WDPCP: variants seen among roughly 807,000 people sequenced by gnomAD.
The protein encoded by WDPCP is WD repeat-containing and planar cell polarity effector protein fritz homolog.
In WDPCP, 71 loss-of-function variants were observed where a neutral mutation model predicts 93.1. That is an observed-to-expected ratio of 0.76 (90% CI 0.63 to 0.93). The LOEUF is 0.93. Among genes scored for constraint, WDPCP ranks in the 40% least tolerant of loss-of-function variants. The probability of loss-of-function intolerance (pLI) is 0.00; values close to 1 mark genes in which losing one functional copy is unlikely to be tolerated. For synonymous variants in WDPCP, 315 were observed against 315.0 expected (o/e 1.00, Z 0.00); for missense variants, 844 against 887.4 (o/e 0.95, Z 0.62).
chr2:63,609,154 G>C (rs1709587932), intron 3 of WDPCP, among the ~76,000 whole-genome samples: 1 of 152,078 alleles, frequency 6.6e-6, no homozygotes, highest in Non-Finnish European at 1.5e-5. Context: ...ATCATTTGAG[G>C]TCAGGAGTTC....
rs563215063 is a variant in WDPCP, at chr2:63,222,772, TG to T, written c.1915+36534del. The stretch of plus-strand genomic sequence containing the variant: ...TAATTTATGTCTTTTAGTATAGAAT[TG>T]TTACATGAATCTATTTTTTTAACTT... On this transcript the variant is annotated intron_variant, in intron 14 of 17. Transcript: ENST00000272321. 1.8e-4 allele frequency among the ~76,000 whole-genome samples: 28 copies of T among 152,320 alleles called. No individual in the cohort carries two copies. The East Asian group carries it at 5.2e-3, about 28-fold the overall frequency.
intron 1 of WDPCP, among the ~76,000 whole-genome samples, chr2:63,552,801 T>C (rs910526185): frequency 6.6e-6 from 1 of 152,200 alleles, no homozygotes; most frequent in Admixed American, 6.5e-5. Flanking sequence ...TTGGAAGGAA[T>C]AGAACCTGTG....
chr2:63,588,958 TC>T (rs991510984), upstream of WDPCP: 42 of 1,598,606 alleles, frequency 2.6e-5, no homozygotes, highest in Admixed American at 6.0e-4. Flanking sequence ...CCGCTCGCCC[TC>T]TCCGAGTCAG....
intron 6 of WDPCP, among the ~76,000 whole-genome samples, chr2:63,465,917 A>C (rs1699320208): frequency 6.6e-6 from 1 of 152,222 alleles, no homozygotes; most frequent in Non-Finnish European, 1.5e-5. Context: ...TATCTTCGAC[A>C]GTAGTCTCTG....
At chr2:63,699,175 G>A (rs1669008758) in intron 2 of WDPCP, among the ~76,000 whole-genome samples, 1 of 152,158 alleles carries the variant, frequency 6.6e-6, no homozygotes, top group Non-Finnish European at 1.5e-5. Flanking sequence ...CTGGTTAGCA[G>A]CCACTGTCTT....
At chr2:63,685,693 C>T (rs1277178065) in intron 2 of WDPCP, among the ~76,000 whole-genome samples, 1 of 152,074 alleles carries the variant, frequency 6.6e-6, no homozygotes, top group Non-Finnish European at 1.5e-5. Context: ...AATATTGATG[C>T]AAAAATCCTC....
At chr2:63,779,394 A>C (rs1308114323) in intron 2 of WDPCP, among the ~76,000 whole-genome samples, 1 of 152,202 alleles carries the variant, frequency 6.6e-6, no homozygotes, top group Non-Finnish European at 1.5e-5. Context: ...TTGGAATCTC[A>C]CTTTCATTCC....
chr2:63,793,755 T>A (rs1670576166), intron 2 of WDPCP, among the ~76,000 whole-genome samples: 1 of 152,078 alleles, frequency 6.6e-6, no homozygotes, highest in Admixed American at 6.6e-5. Flanking sequence ...AAATGTTTAT[T>A]CTTTCCGGGA....
chr2:63,486,664 T>C, intron 3 of WDPCP, 78 bp from the exon 4 acceptor site: 2 of 1,206,378 alleles, frequency 1.7e-6, no homozygotes, highest in Non-Finnish European at 2.4e-6. Flanking sequence ...TGTATTTTAA[T>C]ATGTACATGT....
intron 9 of WDPCP, among the ~76,000 whole-genome samples, chr2:63,431,071 G>A (rs1696721198): frequency 6.6e-6 from 1 of 152,078 alleles, no homozygotes; most frequent in Admixed American, 6.6e-5. Flanking sequence ...TTTCTACTTA[G>A]AATCTACTGT....
chr2:63,505,510 T>C (rs1042435517), intron 1 of WDPCP, among the ~76,000 whole-genome samples: 4 of 152,130 alleles, frequency 2.6e-5, no homozygotes, highest in African/African-American at 7.2e-5. Flanking sequence ...TTCTAGATTA[T>C]GACCATGTTT....
chr2:63,636,243 G>C (rs1430495748), intron 3 of WDPCP, among the ~76,000 whole-genome samples: 1 of 152,210 alleles, frequency 6.6e-6, no homozygotes, highest in Non-Finnish European at 1.5e-5. Context: ...CATGTTCATG[G>C]ATTGGAAGAA....
chr2:63,597,241 T>A, intron 3 of WDPCP: 3 of 961,036 alleles, frequency 3.1e-6, no homozygotes, highest in Non-Finnish European at 3.7e-6. Context: ...GATTGTTAAA[T>A]TAATATATTA....
intron 2 of WDPCP, among the ~76,000 whole-genome samples, chr2:63,671,776 T>A (rs1035526835): frequency 6.6e-6 from 1 of 152,124 alleles, no homozygotes; most frequent in African/African-American, 2.4e-5. Context: ...ATCCAAGAAC[T>A]AGCAGAAACA....
chr2:63,723,047 G>A (rs978659917), intron 2 of WDPCP, among the ~76,000 whole-genome samples: 1 of 152,084 alleles, frequency 6.6e-6, no homozygotes, highest in African/African-American at 2.4e-5. Flanking sequence ...GATTAAGGGC[G>A]GTGCAAGATG....
At chr2:63,588,667 A>G, upstream of WDPCP, 2 of 469,358 alleles carry the variant, frequency 4.3e-6, no homozygotes, top group South Asian at 2.2e-5. Context: ...TACACACGCT[A>G]TCTCTCCCGC....
intron 12 of WDPCP, among the ~76,000 whole-genome samples, chr2:63,376,475 A>C (rs1056811005): frequency 4.0e-4 from 61 of 151,966 alleles, no homozygotes; most frequent in Admixed American, 4.0e-3. Context: ...GATGGTTACA[A>C]ATATGATGCT....
intron 14 of WDPCP, among the ~76,000 whole-genome samples, chr2:63,225,678 A>G (rs1006776099): frequency 1.6e-4 from 24 of 151,904 alleles, no homozygotes; most frequent in African/African-American, 5.8e-4. Flanking sequence ...ATACATAACA[A>G]TATGGGTGCA....
At chr2:63,629,962 C>T (rs1012080299) in intron 3 of WDPCP, among the ~76,000 whole-genome samples, 1 of 151,962 alleles carries the variant, frequency 6.6e-6, no homozygotes, top group Admixed American at 6.6e-5. Context: ...GAATAGATGC[C>T]AATACTGAGA....
Sources: gnomAD v4.1 joint callset for allele counts (sites outside exome capture counted in the v4.1 genomes callset) on GRCh38, gnomAD v4.1.1 for gene constraint, MANE v1.5 for transcripts, NCBI Gene and HGNC (gene_info 2026-07-23, HGNC 2026-07-21) for gene names.